The following ITFG1 variants were observed in gnomAD, a reference collection of about 807,000 sequenced individuals.
ITFG1 encodes the protein integrin alpha FG-GAP repeat containing 1, also known as T-cell immunomodulatory protein.
In ITFG1, 34 loss-of-function variants were observed where a neutral mutation model predicts 81.8. The ratio of observed to expected loss-of-function variants is 0.42; its 90% confidence interval spans 0.32 to 0.55. ITFG1 has a LOEUF of 0.55. ITFG1 is among the 20% of genes least tolerant of loss of function. The pLI is 0.17. For synonymous variants in ITFG1, 285 were observed against 270.6 expected (o/e 1.05, Z -0.52); for missense variants, 672 against 755.4 (o/e 0.89, Z 1.29).
intron 13 of ITFG1, among the ~76,000 whole-genome samples, chr16:47,232,273 A>T (rs1440502704): frequency 6.6e-6 from 1 of 152,256 alleles, no homozygotes; most frequent in Non-Finnish European, 1.5e-5. Flanking sequence ...TTTTACAGAC[A>T]TGGAGAATGA....
chr16:47,436,188 A>C (rs1969164269), intron 5 of ITFG1, among the ~76,000 whole-genome samples: 1 of 152,184 alleles, frequency 6.6e-6, no homozygotes, highest in Non-Finnish European at 1.5e-5. Context: ...TCTCCAAACA[A>C]AAAATTCATC....
chr16:47,315,444 G>T (rs568830093), intron 8 of ITFG1, among the ~76,000 whole-genome samples: 2 of 152,198 alleles, frequency 1.3e-5, no homozygotes, highest in Non-Finnish European at 2.9e-5. Context: ...ATTAATGGGA[G>T]AACAATTTGA....
In ITFG1 at chr16:47,443,003, G is replaced by C. The variant is rs146408697; in HGVS notation, c.560+8393C>G. On this transcript the variant is annotated intron_variant, in intron 5 of 17. Transcript: ENST00000320640. Reference sequence around the variant, plus strand: ...GAGAAAATTTTTGCAACCTACTCATGTGACAAAGGGCTAATATCAAGAATC... The same window carrying C: ...GAGAAAATTTTTGCAACCTACTCATCTGACAAAGGGCTAATATCAAGAATC... 1.8e-3 allele frequency among the ~76,000 whole-genome samples: 269 copies of C among 152,222 alleles called. 2 individuals are homozygous for C. In the East Asian group the frequency reaches 0.043, roughly 24 times the overall value.
chr16:47,396,536 G>A (rs531530076), intron 6 of ITFG1, among the ~76,000 whole-genome samples: 2 of 152,204 alleles, frequency 1.3e-5, no homozygotes, highest in South Asian at 2.1e-4. Context: ...GTGTGTGTGT[G>A]TGTGTGTGAA....
intron 7 of ITFG1, among the ~76,000 whole-genome samples, chr16:47,368,003 C>T (rs182821409): frequency 1.3e-5 from 2 of 151,966 alleles, no homozygotes; most frequent in Middle Eastern, 3.4e-3. Context: ...TTTGGGAGGT[C>T]GAGGCGGGCG....
intron 14 of ITFG1, among the ~76,000 whole-genome samples, chr16:47,200,501 T>C (rs1965412410): frequency 6.6e-6 from 1 of 152,238 alleles, no homozygotes; most frequent in Non-Finnish European, 1.5e-5. Flanking sequence ...TCCTACATTA[T>C]ATTTTTAGAT....
At chr16:47,316,724 C>G (rs1198571372) in intron 8 of ITFG1, among the ~76,000 whole-genome samples, 2 of 152,140 alleles carry the variant, frequency 1.3e-5, no homozygotes, top group Non-Finnish European at 2.9e-5. Context: ...AAATCTCACA[C>G]TACAGGAATA....
intron 10 of ITFG1, among the ~76,000 whole-genome samples, chr16:47,274,302 C>A (rs912331902): frequency 2.6e-5 from 4 of 151,984 alleles, no homozygotes; most frequent in Non-Finnish European, 5.9e-5. Flanking sequence ...TCAATCTTAT[C>A]ATCTTGAGAA....
At chr16:47,327,954 C>G (rs576543590) in intron 8 of ITFG1, among the ~76,000 whole-genome samples, 1 of 152,216 alleles carries the variant, frequency 6.6e-6, no homozygotes, top group African/African-American at 2.4e-5. Flanking sequence ...ACCATTTGAC[C>G]CAGCCATCCC....
chr16:47,292,621 T>A (rs1288236547), intron 10 of ITFG1, among the ~76,000 whole-genome samples: 1 of 152,282 alleles, frequency 6.6e-6, no homozygotes, highest in East Asian at 1.9e-4. Context: ...ATAGTGTACA[T>A]TGAACCCATT....
intron 5 of ITFG1, among the ~76,000 whole-genome samples, chr16:47,442,929 C>T (rs1290118308): frequency 6.6e-6 from 1 of 152,156 alleles, no homozygotes; most frequent in Non-Finnish European, 1.5e-5. Flanking sequence ...AGAGCTTCTG[C>T]ACAGCAAAAG....
intron 12 of ITFG1, among the ~76,000 whole-genome samples, chr16:47,241,358 C>A (rs558845076): frequency 2.0e-5 from 3 of 152,228 alleles, no homozygotes; most frequent in Admixed American, 6.5e-5. Flanking sequence ...GTGTTCATAG[C>A]AGTATTATTC....
At chr16:47,422,981 T>A (rs1968970546) in intron 6 of ITFG1, among the ~76,000 whole-genome samples, 1 of 152,206 alleles carries the variant, frequency 6.6e-6, no homozygotes, top group Non-Finnish European at 1.5e-5. Flanking sequence ...GATATCCTTG[T>A]CAACCTTCTG....
At chr16:47,313,682 C>A in intron 9 of ITFG1, 47 bp downstream of exon 9, 1 of 1,028,224 alleles carries the variant, frequency 9.7e-7, no homozygotes, top group South Asian at 1.5e-5. Context: ...AGATTTTTTT[C>A]CAAGCACATA....
intron 12 of ITFG1, among the ~76,000 whole-genome samples, chr16:47,253,865 T>G (rs1384758767): frequency 6.6e-6 from 1 of 152,048 alleles, no homozygotes; most frequent in African/African-American, 2.4e-5. Context: ...TCCTAATAGG[T>G]CTCAGACTAG....
chr16:47,424,412 T>C (rs1329628914), intron 6 of ITFG1, among the ~76,000 whole-genome samples: 1 of 152,204 alleles, frequency 6.6e-6, no homozygotes, highest in Non-Finnish European at 1.5e-5. Flanking sequence ...CTATTAACGA[T>C]CTTCTGAAGC....
chr16:47,174,441 G>T (rs985906112), intron 14 of ITFG1, among the ~76,000 whole-genome samples: 1 of 152,168 alleles, frequency 6.6e-6, no homozygotes, highest in Non-Finnish European at 1.5e-5. Flanking sequence ...ACCTTTCTTG[G>T]TATGTGAACA....
At chr16:47,176,573 A>C (rs1268249081) in intron 14 of ITFG1, among the ~76,000 whole-genome samples, 1 of 152,206 alleles carries the variant, frequency 6.6e-6, no homozygotes, top group African/African-American at 2.4e-5. Flanking sequence ...TAGCATGTAC[A>C]TTTTAATGGC....
chr16:47,406,845 T>C (rs547293131), intron 6 of ITFG1, among the ~76,000 whole-genome samples: 29 of 152,130 alleles, frequency 1.9e-4, no homozygotes, highest in Non-Finnish European at 4.0e-4. Context: ...GAAGGTAAAG[T>C]ATATTTTGAG....
Sources: gnomAD v4.1 joint callset for allele counts (sites outside exome capture counted in the v4.1 genomes callset) on GRCh38, gnomAD v4.1.1 for gene constraint, MANE v1.5 for transcripts, NCBI Gene and HGNC (gene_info 2026-07-23, HGNC 2026-07-21) for gene names.